Variants in TCP11L2 observed in about 807,000 individuals in gnomAD.
TCP11L2 encodes t-complex 11 like 2.
In TCP11L2, 39 loss-of-function variants were observed where a neutral mutation model predicts 50.7. The observed-to-expected ratio is 0.77, with a 90% confidence interval of 0.60 to 1.01. The LOEUF (loss-of-function observed/expected upper bound fraction) is 1.01, where lower values mean the gene tolerates loss of function less well. TCP11L2 is among the 50% of genes least tolerant of loss of function. The pLI, the probability that TCP11L2 is intolerant of heterozygous loss-of-function variation, is 0.00. For synonymous variants in TCP11L2, 192 were observed against 219.3 expected (o/e 0.88, Z 1.10); for missense variants, 612 against 614.7 (o/e 1.00, Z 0.05).
intron 6 of TCP11L2, chr12:106,329,595 A>G: frequency 1.5e-6 from 2 of 1,369,706 alleles, no homozygotes; most frequent in South Asian, 3.6e-5. Flanking sequence ...TGTGCCCATG[A>G]ACTCTTTTTT....
Position 106,346,460 on chromosome 12 carries a change from A to G in TCP11L2, c.1490A>G (p.Asn497Ser), listed in dbSNP as rs769776674. ...CAAGTGTATGGACCATTTTATGCAA[A>G]TATACTTCGAAAGCTGCTCTTCAAT... ...NKQVYGPFYANILRKLLFNEE... is the reference protein window; with the variant it reads ...NKQVYGPFYASILRKLLFNEE... The change falls in exon 10 of 10, where the codon AAT (asparagine) becomes AGT (serine). Residue 497 changes from asparagine (N) to serine (S), a missense_variant. Asn to Ser is a conservative substitution (Grantham distance 46, BLOSUM62 1). Coordinates refer to ENST00000299045, the MANE Select transcript of TCP11L2 (RefSeq NM_152772.3). 2.5e-6 allele frequency: 4 copies of G among 1,614,180 alleles called. No individual in the cohort carries two copies. Among genetic ancestry groups the G allele is most frequent in the South Asian group, 1.1e-5 (1 of 91,078 alleles).
chr12:106,315,487 A>G (rs761369534), intron 3 of TCP11L2, among the ~76,000 whole-genome samples: 7 of 152,136 alleles, frequency 4.6e-5, no homozygotes, highest in Non-Finnish European at 1.0e-4. Context: ...TTTATGGAGG[A>G]GCTATGTCTG....
chr12:106,311,206 C>G lies in TCP11L2; in HGVS notation c.131C>G (p.Ser44Cys). 6.2e-7 allele frequency: 1 copy of G among 1,613,952 alleles called. No individual in the cohort carries two copies. Among genetic ancestry groups the G allele is most frequent in the Non-Finnish European group, 8.5e-7 (1 of 1,179,920 alleles). Reference sequence around the variant, plus strand: ...TCCAGGCAGAGCTTTGCAAGTGACTCCTCCAGCAAATCCAGCTCTCCTGCT... The same window carrying G: ...TCCAGGCAGAGCTTTGCAAGTGACTGCTCCAGCAAATCCAGCTCTCCTGCT... ...ECSRQSFASD[S>C]SSKSSSPAST... is the part of the protein sequence containing the mutation. Residue 44 changes from serine (S) to cysteine (C), a missense_variant, in exon 2 of 10, where the codon TCC (serine) becomes TGC (cysteine). Coordinates refer to ENST00000299045, the MANE Select transcript of TCP11L2 (RefSeq NM_152772.3).
At position 106,340,862 on chromosome 12, in the gene TCP11L2, T is replaced by C; in HGVS notation, c.1179T>C (p.Gly393=). Residue 393 remains glycine, a synonymous_variant, in exon 9 of 10, where the codon GGT becomes GGC. Coordinates refer to ENST00000299045, the MANE Select transcript of TCP11L2 (RefSeq NM_152772.3). ...TGAAGGAAGTCCTGAATTCTATTGGTATTCAGACTTGTGTTGAGGTTAACA... is the reference window on the plus strand; with the variant it reads ...TGAAGGAAGTCCTGAATTCTATTGGCATTCAGACTTGTGTTGAGGTTAACA... ...FNLKEVLNSI[G]IQTCVEVNKT... 6.2e-7 allele frequency: 1 copy of C among 1,610,110 alleles called. No homozygotes were observed. The highest frequency in any genetic ancestry group is 1.1e-5 in the South Asian group (1 of 89,824).
chr12:106,301,645 C>G (rs2034417824), upstream of TCP11L2, among the ~76,000 whole-genome samples: 1 of 152,214 alleles, frequency 6.6e-6, no homozygotes, highest in African/African-American at 2.4e-5. Context: ...AACAGAAATA[C>G]TTTAGTCTAT....
chr12:106,342,224 C>G (rs2036111905), intron 9 of TCP11L2, among the ~76,000 whole-genome samples: 1 of 152,152 alleles, frequency 6.6e-6, no homozygotes, highest in African/African-American at 2.4e-5. Flanking sequence ...TTGAGGCTTT[C>G]AAATGGTGTT....
chr12:106,346,299 G>GCTTTACATGAGAAGGCTA lies in TCP11L2; in HGVS notation c.1334_1351dup (p.Tyr445_Leu450dup). ...TTTCCCCTTCAGATAAACGAATTAA[G>GCTTTACATGAGAAGGCTA]CTTTACATGAGAAGGCTACTTTGTC... On this transcript the variant is annotated inframe_insertion, in exon 10 of 10. Coordinates refer to ENST00000299045, the MANE Select transcript of TCP11L2 (RefSeq NM_152772.3). 6.2e-7 allele frequency: 1 copy of GCTTTACATGAGAAGGCTA among 1,609,106 alleles called. No individual in the cohort carries two copies. The highest frequency in any genetic ancestry group is 8.5e-7 in the Non-Finnish European group (1 of 1,177,074).
chr12:106,346,622 C>T lies in TCP11L2; in HGVS notation c.*92C>T, dbSNP rs2036242888. 7 of 1,498,158 alleles carry T rather than the reference C, an allele frequency of 4.7e-6. No individual in the cohort carries two copies. The African/African-American group carries it at 6.9e-5, about 15-fold the overall frequency. The allele number at this position is 1,498,158 out of a possible 1,614,324, so 92.8% of individuals were successfully genotyped here. Reference sequence around the variant, plus strand: ...TGGCATTAGAGATCCAGCACATTCTCAGTACTGTGGTGCAGTATTAGCCCA... The same window carrying T: ...TGGCATTAGAGATCCAGCACATTCTTAGTACTGTGGTGCAGTATTAGCCCA... On this transcript the variant is annotated 3_prime_UTR_variant, in exon 10 of 10. Transcript: ENST00000299045.
chr12:106,333,368 G>A (rs1005862945), intron 6 of TCP11L2, among the ~76,000 whole-genome samples: 2 of 152,100 alleles, frequency 1.3e-5, no homozygotes, highest in Non-Finnish European at 2.9e-5. Flanking sequence ...AAGTCGGTGT[G>A]GATAAATGTC....
At chr12:106,313,764 A>ATTTT (rs34867730) in intron 2 of TCP11L2, among the ~76,000 whole-genome samples, 5 of 113,890 alleles carry the variant, frequency 4.4e-5, no homozygotes, top group Non-Finnish European at 5.2e-5. Context: ...AGGTAATTTA[A>ATTTT]TTTTTTTTTT....
intron 1 of TCP11L2, among the ~76,000 whole-genome samples, chr12:106,307,088 AC>A (rs1300609715): frequency 6.6e-6 from 1 of 152,218 alleles, no homozygotes; most frequent in Non-Finnish European, 1.5e-5. Flanking sequence ...AAGTCCTTGT[AC>A]CCATTCACAC....
At chr12:106,333,641 A>G (rs771528171) in intron 6 of TCP11L2, among the ~76,000 whole-genome samples, 18 of 152,222 alleles carry the variant, frequency 1.2e-4, no homozygotes, top group Non-Finnish European at 2.4e-4. Flanking sequence ...ATGTCTGTAA[A>G]TATAAACATA....
At chr12:106,301,258 G>C (rs975272990), upstream of TCP11L2, among the ~76,000 whole-genome samples, 1 of 152,192 alleles carries the variant, frequency 6.6e-6, no homozygotes, top group Non-Finnish European at 1.5e-5. Context: ...GAGAAGAGAG[G>C]AAAGTGGCAA....
chr12:106,327,888 A>T (rs1565853218), intron 6 of TCP11L2, among the ~76,000 whole-genome samples: 1 of 152,250 alleles, frequency 6.6e-6, no homozygotes. Context: ...CTTAGGAATG[A>T]TTATCTGTAC....
chr12:106,310,827 C>T (rs1383608614), intron 1 of TCP11L2, among the ~76,000 whole-genome samples: 1 of 152,200 alleles, frequency 6.6e-6, no homozygotes, highest in Non-Finnish European at 1.5e-5. Context: ...TAAGCTCACA[C>T]CTATGGCTGT....
intron 2 of TCP11L2, among the ~76,000 whole-genome samples, chr12:106,313,764 ATTTTTT>A (rs34867730): frequency 3.5e-5 from 4 of 113,890 alleles, no homozygotes; most frequent in Non-Finnish European, 5.2e-5. Context: ...AGGTAATTTA[ATTTTTT>A]TTTTTTTTTT....
At chr12:106,314,229 A>C in intron 2 of TCP11L2, 129 bp from the exon 3 acceptor site, 1 of 884,984 alleles carries the variant, frequency 1.1e-6, no homozygotes, top group Non-Finnish European at 1.7e-6. Flanking sequence ...ATTTTAATAT[A>C]TAGTCTCCTG....
At chr12:106,318,610 C>T (rs558298544) in intron 4 of TCP11L2, 146 bp downstream of exon 4, 16 of 961,104 alleles carry the variant, frequency 1.7e-5, no homozygotes, top group Non-Finnish European at 2.2e-5. Context: ...CAAAGCACCA[C>T]CAGATTCGGC....
At chr12:106,320,093 T>C (rs1374887542) in intron 4 of TCP11L2, among the ~76,000 whole-genome samples, 1 of 152,170 alleles carries the variant, frequency 6.6e-6, no homozygotes, top group Non-Finnish European at 1.5e-5. Flanking sequence ...TTCTTTATAA[T>C]GTTGATGAGA....
Sources: allele counts gnomAD v4.1 joint callset (sites outside exome capture counted in the v4.1 genomes callset), GRCh38; gene constraint gnomAD v4.1.1; transcripts MANE v1.5; gene names NCBI Gene and HGNC (gene_info 2026-07-23, HGNC 2026-07-21).